USP25: variants seen among roughly 807,000 people sequenced by gnomAD.
USP25 encodes ubiquitin carboxyl-terminal hydrolase 25.
In USP25, 85 loss-of-function variants were observed where a neutral mutation model predicts 158.5. That is an observed-to-expected ratio of 0.54 (90% CI 0.45 to 0.64). USP25 has a LOEUF of 0.64. Among genes scored for constraint, USP25 ranks in the 30% least tolerant of loss-of-function variants. The pLI, the probability that USP25 is intolerant of heterozygous loss-of-function variation, is 0.00. For synonymous variants in USP25, 464 were observed against 460.4 expected, an observed-to-expected ratio of 1.01 and a Z score of -0.10; for missense variants, 1,242 against 1,327.3, an observed-to-expected ratio of 0.94 and a Z score of 1.00.
chr21:15,779,453 T>G (rs896452555), intron 4 of USP25, among the ~76,000 whole-genome samples: 1 of 151,866 alleles, frequency 6.6e-6, no homozygotes, highest in Non-Finnish European at 1.5e-5. Context: ...AATATTATTT[T>G]TAAAATTATA....
At chr21:15,734,398 C>T in intron 1 of USP25, among the ~76,000 whole-genome samples, 1 of 152,148 alleles carries the variant, frequency 6.6e-6, no homozygotes, top group East Asian at 1.9e-4. Flanking sequence ...TTAAAGGAGG[C>T]ATTCTTTATT....
chr21:15,827,359 A>C (rs2037562502), intron 14 of USP25, among the ~76,000 whole-genome samples, 156 bp downstream of exon 14: 1 of 152,126 alleles, frequency 6.6e-6, no homozygotes, highest in South Asian at 2.1e-4. Context: ...TTGGCTCCCC[A>C]TTTTTATAAT....
chr21:15,819,838 G>T (rs935574622), intron 10 of USP25, among the ~76,000 whole-genome samples: 18 of 148,714 alleles, frequency 1.2e-4, no homozygotes, highest in African/African-American at 4.4e-4. Context: ...TGTTTCAAGT[G>T]CATACTCATT....
At chr21:15,788,603 A>G (rs1165475518) in intron 4 of USP25, among the ~76,000 whole-genome samples, 1 of 152,060 alleles carries the variant, frequency 6.6e-6, no homozygotes, top group Non-Finnish European at 1.5e-5. Context: ...CCAAGAGGAG[A>G]TGGTAGGAGG....
At chr21:15,874,675 A>C in intron 24 of USP25, 149 bp downstream of exon 24, 10 of 623,558 alleles carry the variant, frequency 1.6e-5, no homozygotes, top group Non-Finnish European at 2.5e-5. Flanking sequence ...CTTCAGATGG[A>C]AAAGTACACT....
chr21:15,791,523 A>G lies in USP25; in HGVS notation c.414A>G (p.Ala138=), dbSNP rs927207035. 5 of 1,609,086 alleles carry G rather than the reference A, an allele frequency of 3.1e-6. No homozygotes were observed. In the African/African-American group the frequency reaches 4.0e-5, roughly 13 times the overall value. Residue 138 remains alanine (A), a synonymous_variant, in exon 5 of 26, where the codon GCA becomes GCG. Transcript: ENST00000400183. Reference sequence around the variant, plus strand: ...TAAGAGTTCTTGAAGCCAGCATAGCAGAGAATAAAGCATGTTTGAAGAGGA... The same window carrying G: ...TAAGAGTTCTTGAAGCCAGCATAGCGGAGAATAAAGCATGTTTGAAGAGGA... ...AISRVLEASI[A]ENKACLKRTP... is the part of the protein sequence containing the mutation.
Position 15,802,385 on chromosome 21 carries a change from A to C in USP25, c.642+2542A>C, listed in dbSNP as rs1293619486. Among the ~76,000 whole-genome samples the C allele has an allele frequency of 2.0e-5, 3 of 151,586 alleles. No homozygotes were observed. The East Asian group carries it at 5.8e-4, about 29-fold the overall frequency. On this transcript the variant is annotated intron_variant, in intron 6 of 25. Transcript: ENST00000400183. ...CTGCCATTAGTCATGAAGAAGTAAC[A>C]GGAGCTGGATTTATAAGTCTCAGTG... is the stretch of plus-strand genomic sequence containing the variant.
chr21:15,762,687 A>G (rs2033801147), intron 1 of USP25, among the ~76,000 whole-genome samples: 1 of 152,186 alleles, frequency 6.6e-6, no homozygotes, highest in African/African-American at 2.4e-5. Flanking sequence ...CGTGAGAATG[A>G]AATAAGGGTT....
At chr21:15,743,879 G>C (rs78277059) in intron 1 of USP25, 3,697 of 155,166 alleles carry the variant, frequency 0.024, 137 homozygotes, top group African/African-American at 0.083. Flanking sequence ...CTCTGCGCAG[G>C]CCTCCTGGGG....
intron 1 of USP25, among the ~76,000 whole-genome samples, chr21:15,746,555 C>T (rs532558811): frequency 5.3e-5 from 8 of 152,066 alleles, no homozygotes; most frequent in East Asian, 3.9e-4. Flanking sequence ...CCACCACACC[C>T]GGCTAATTTT....
At chr21:15,741,177 CTT>C (rs1478295138) in intron 1 of USP25, among the ~76,000 whole-genome samples, 1 of 151,096 alleles carries the variant, frequency 6.6e-6, no homozygotes, top group African/African-American at 2.4e-5. Flanking sequence ...CAGCAAAAAG[CTT>C]TTGAGATTCA....
intron 20 of USP25, among the ~76,000 whole-genome samples, chr21:15,861,853 A>G (rs866235838): frequency 6.6e-6 from 1 of 152,154 alleles, no homozygotes; most frequent in African/African-American, 2.4e-5. Context: ...CTAGAAATTT[A>G]GAAGTGTCTT....
chr21:15,848,162 A>C (rs1437168392), intron 19 of USP25, among the ~76,000 whole-genome samples: 2 of 152,132 alleles, frequency 1.3e-5, no homozygotes, highest in South Asian at 4.1e-4. Flanking sequence ...TTTTCCCACT[A>C]TCTCCTGCCA....
intron 20 of USP25, among the ~76,000 whole-genome samples, chr21:15,858,321 C>T (rs554798944): frequency 1.2e-3 from 184 of 151,730 alleles, no homozygotes; most frequent in African/African-American, 4.2e-3. Context: ...GAACATGATA[C>T]GCCTTTTCAC....
chr21:15,869,919 T>C, intron 22 of USP25, 149 bp from the exon 23 acceptor site: 1 of 478,122 alleles, frequency 2.1e-6, no homozygotes, highest in Non-Finnish European at 3.6e-6. Flanking sequence ...GAAAGTAAAG[T>C]CTTGTTTTAG....
chr21:15,795,453 TTTTG>T (rs1388022410), intron 5 of USP25, among the ~76,000 whole-genome samples: 8 of 151,748 alleles, frequency 5.3e-5, no homozygotes, highest in Non-Finnish European at 1.0e-4. Context: ...TGCTTCATTT[TTTTG>T]TTTGTTTGTT....
At chr21:15,806,423 T>G (rs1378127471) in intron 7 of USP25, among the ~76,000 whole-genome samples, 1 of 60,142 alleles carries the variant, frequency 1.7e-5, no homozygotes, top group African/African-American at 7.5e-5. Context: ...GTCTTTTTTC[T>G]GGTTTCTTTT....
Position 15,826,789 on chromosome 21 carries a change from A to T in USP25, c.1467-188A>T, listed in dbSNP as rs1423862207. ...AAGCTGTTTTAACTCTAAAGCTACAACTTCATCTTATAATAATTTAGTTCT... is the reference window on the plus strand; with the variant it reads ...AAGCTGTTTTAACTCTAAAGCTACATCTTCATCTTATAATAATTTAGTTCT... On this transcript the variant is annotated intron_variant, in intron 13 of 25. Transcript: ENST00000400183. This position sits in a 1 kb window ranked among gnomAD's most constrained non-coding sequence, Gnocchi z 4.8. Among the ~76,000 whole-genome samples, 1 of 152,206 alleles carries T rather than the reference A, an allele frequency of 6.6e-6. No homozygotes were observed. The highest frequency in any genetic ancestry group is 2.4e-5 in the African/African-American group (1 of 41,458).
At position 15,730,378 on chromosome 21, in the gene USP25, CG is replaced by C; in HGVS notation, c.-15del. The C allele has an allele frequency of 8.1e-7, 1 of 1,237,752 alleles. No homozygotes were observed. The highest frequency in any genetic ancestry group is 1.0e-6 in the Non-Finnish European group (1 of 987,534). The allele number at this position is 1,237,752 out of a possible 1,614,324, so 76.7% of individuals were successfully genotyped here. On this transcript the variant is annotated 5_prime_UTR_variant, in exon 1 of 26. Coordinates refer to ENST00000400183, the MANE Select transcript of USP25 (RefSeq NM_001283041.3). ...CGGGCGCCACCGCCGCCGCCGCCGCCGCCGCCGCGGGGGCCATGACCGTGGA... is the reference window on the plus strand; with the variant it reads ...CGGGCGCCACCGCCGCCGCCGCCGCCCCGCCGCGGGGGCCATGACCGTGGA...
Sources: allele counts gnomAD v4.1 joint callset (sites outside exome capture counted in the v4.1 genomes callset), GRCh38; gene constraint gnomAD v4.1.1; non-coding constraint Gnocchi (gnomAD v3.1); transcripts MANE v1.5; gene names NCBI Gene and HGNC (gene_info 2026-07-23, HGNC 2026-07-21).